The following STARD13 variants were observed in gnomAD, a reference collection of about 807,000 sequenced individuals.
STARD13 encodes StAR related lipid transfer domain containing 13.
STARD13 carries 62 observed loss-of-function variants against 106.4 expected under a neutral mutation model. The observed-to-expected ratio is 0.58, with a 90% CI of 0.48 to 0.72. The LOEUF is 0.72. STARD13 is among the 30% of genes least tolerant of loss of function. STARD13 has a pLI of 0.00. For synonymous variants in STARD13, 565 were observed against 553.0 expected (o/e 1.02, Z -0.31); for missense variants, 1,387 against 1,424.0 (o/e 0.97, Z 0.42).
At chr13:33,363,740 A>C in the STARD13 span, among the ~76,000 whole-genome samples, 1 of 152,172 alleles carries the variant, frequency 6.6e-6, no homozygotes, top group Non-Finnish European at 1.5e-5. Context: ...CCTACATTGG[A>C]TTGAAACCCT....
chr13:33,284,651 G>A (rs529761674), intron 1 of STARD13, among the ~76,000 whole-genome samples: 1 of 151,344 alleles, frequency 6.6e-6, no homozygotes, highest in Non-Finnish European at 1.5e-5. Context: ...GACTGTAAAC[G>A]TGTGTGTTAG....
chr13:33,411,661 G>A, the STARD13 span, among the ~76,000 whole-genome samples: 1 of 152,150 alleles, frequency 6.6e-6, no homozygotes, highest in Non-Finnish European at 1.5e-5. Flanking sequence ...AAGAAGTACT[G>A]ATCTTTTTAC....
the STARD13 span, among the ~76,000 whole-genome samples, chr13:33,563,306 C>T: frequency 2.0e-5 from 3 of 146,684 alleles, 1 homozygote; most frequent in African/African-American, 7.6e-5. Flanking sequence ...CTGGAGGCAA[C>T]CCACTACCTT....
chr13:33,368,797 C>T, the STARD13 span, among the ~76,000 whole-genome samples: 2 of 152,242 alleles, frequency 1.3e-5, no homozygotes, highest in East Asian at 1.9e-4. Flanking sequence ...TCGGAGGAGC[C>T]GGCCCACCAT....
chr13:33,359,366 C>T, the STARD13 span: 4 of 167,014 alleles, frequency 2.4e-5, no homozygotes, highest in Non-Finnish European at 5.0e-5. Context: ...TCTGAACCAA[C>T]GAGACCACGA....
upstream of STARD13, among the ~76,000 whole-genome samples, chr13:33,286,945 T>C (rs1892089910): frequency 6.6e-6 from 1 of 152,144 alleles, no homozygotes; most frequent in Non-Finnish European, 1.5e-5. Context: ...CATATATGTA[T>C]ATGTCATTAT....
At chr13:33,182,722 T>A (rs2858124) in intron 1 of STARD13, among the ~76,000 whole-genome samples, 2 of 152,092 alleles carry the variant, frequency 1.3e-5, no homozygotes, top group African/African-American at 2.4e-5. Flanking sequence ...TGGTTTAGAC[T>A]CTCATTTTGT....
the STARD13 span, among the ~76,000 whole-genome samples, chr13:33,545,792 C>G: frequency 6.6e-6 from 1 of 152,202 alleles, no homozygotes; most frequent in Non-Finnish European, 1.5e-5. Context: ...TCTGCACATG[C>G]TGGTTCTCCT....
the STARD13 span, among the ~76,000 whole-genome samples, chr13:33,501,538 A>T: frequency 2.0e-5 from 3 of 152,058 alleles, no homozygotes; most frequent in African/African-American, 7.2e-5. Flanking sequence ...TGAGTCTTTA[A>T]TCTATCTTGA....
At chr13:33,651,109 T>A in the STARD13 span, among the ~76,000 whole-genome samples, 7 of 152,262 alleles carry the variant, frequency 4.6e-5, no homozygotes, top group Non-Finnish European at 7.3e-5. Flanking sequence ...TTGGCTTTTA[T>A]CACAAAGCTT....
chr13:33,106,159 T>A (rs945530810), intron 13 of STARD13, among the ~76,000 whole-genome samples: 3 of 152,144 alleles, frequency 2.0e-5, no homozygotes, highest in African/African-American at 7.2e-5. Flanking sequence ...GTGGCTCATG[T>A]CTGTAGTCCC....
chr13:33,242,255 C>T (rs1228100693), intron 1 of STARD13, among the ~76,000 whole-genome samples: 1 of 152,134 alleles, frequency 6.6e-6, no homozygotes, highest in Non-Finnish European at 1.5e-5. Flanking sequence ...GAGGTGTACC[C>T]AACAGCTCAT....
At chr13:33,205,036 A>G (rs1323016138) in intron 1 of STARD13, among the ~76,000 whole-genome samples, 1 of 152,222 alleles carries the variant, frequency 6.6e-6, no homozygotes, top group Non-Finnish European at 1.5e-5. Context: ...GAATCTTATC[A>G]TTCTCAATCA....
intron 1 of STARD13, among the ~76,000 whole-genome samples, chr13:33,173,727 C>G (rs534144393): frequency 1.3e-5 from 2 of 152,216 alleles, no homozygotes; most frequent in East Asian, 3.9e-4. Context: ...ACTGAATATT[C>G]AAAATAGTGG....
At chr13:33,231,962 C>A (rs1272330624) in intron 1 of STARD13, among the ~76,000 whole-genome samples, 1 of 152,164 alleles carries the variant, frequency 6.6e-6, no homozygotes, top group Non-Finnish European at 1.5e-5. Context: ...CCGAGCACAT[C>A]CCGCATATAT....
rs757238507 is a variant in STARD13, at chr13:33,130,183, C to T, written c.494G>A (p.Arg165Gln). 18 of 1,613,636 alleles carry T rather than the reference C, an allele frequency of 1.1e-5. No homozygotes were observed. The Admixed American group carries it at 1.5e-4, about 13-fold the overall frequency. Residue 165 changes from arginine to glutamine, a missense_variant, in exon 5 of 14, where the codon CGA becomes CAA. Coordinates refer to ENST00000336934, the MANE Select transcript of STARD13 (RefSeq NM_178006.4). This position sits in a 1 kb window ranked among gnomAD's most constrained non-coding sequence, Gnocchi z 4.1. ...TCCCGGTGACCCATTTCTGTCTCCT[C>T]GAGGGAGCAGCGTGTAGAGGTCGTC... ...RVDDLYTLLP[R>Q]GDRNGSPGGT...
At chr13:33,333,300 A>G (rs2077858555) in intron 1 of STARD13, among the ~76,000 whole-genome samples, 1 of 152,128 alleles carries the variant, frequency 6.6e-6, no homozygotes, top group Non-Finnish European at 1.5e-5. Flanking sequence ...AGGCATGACA[A>G]TAGCTTGAAC....
the STARD13 span, among the ~76,000 whole-genome samples, chr13:33,515,711 T>G: frequency 6.6e-6 from 1 of 152,206 alleles, no homozygotes; most frequent in Non-Finnish European, 1.5e-5. Context: ...TTATCACTTT[T>G]ATGAAGCCAC....
Position 33,110,691 on chromosome 13 carries a change from T to G in STARD13, c.2824A>C (p.Lys942Gln). The G allele has an allele frequency of 6.2e-7, 1 of 1,613,882 alleles. No individual in the cohort carries two copies. The highest frequency in any genetic ancestry group is 1.1e-5 in the South Asian group (1 of 91,076). ...SSTDNTDLAF[K>Q]KVGDGNPLKL... ...TTTCCATCCTCTGAGATTACCTTTT[T>G]GAAAGCAAGATCTGTATTGTCCGTG... The change falls in exon 11 of 14, where the codon AAA becomes CAA. Residue 942 changes from lysine to glutamine, a missense_variant. By Grantham distance (53) the Lys-to-Gln change is moderately conservative. Coordinates refer to ENST00000336934, the MANE Select transcript of STARD13 (RefSeq NM_178006.4).
Sources: allele counts gnomAD v4.1 joint callset (sites outside exome capture counted in the v4.1 genomes callset), GRCh38; gene constraint gnomAD v4.1.1; non-coding constraint Gnocchi (gnomAD v3.1); transcripts MANE v1.5; gene names NCBI Gene and HGNC (gene_info 2026-07-23, HGNC 2026-07-21).